The following HPSE2 variants were observed in gnomAD, a reference collection of about 807,000 sequenced individuals.
HPSE2 encodes heparanase 2 (inactive).
A neutral mutation model predicts 60.5 loss-of-function variants in HPSE2; 38 were observed. The ratio of observed to expected loss-of-function variants is 0.63; its 90% CI spans 0.48 to 0.82. The LOEUF is 0.82. HPSE2 is among the 40% of genes least tolerant of loss of function. The probability of loss-of-function intolerance (pLI) is 0.00; values close to 1 mark genes in which losing one functional copy is unlikely to be tolerated. For missense variants in HPSE2, 713 were observed against 740.4 expected, an observed-to-expected ratio of 0.96 and a Z score of 0.43; for synonymous variants, 295 against 293.2, an observed-to-expected ratio of 1.01 and a Z score of -0.06.
intron 3 of HPSE2, among the ~76,000 whole-genome samples, chr10:98,824,851 T>C (rs1770442087): frequency 6.6e-6 from 1 of 152,226 alleles, no homozygotes; most frequent in Non-Finnish European, 1.5e-5. Flanking sequence ...GTATAGCACT[T>C]AGCAGGCTTC....
intron 3 of HPSE2, among the ~76,000 whole-genome samples, chr10:98,897,231 A>G (rs1350290007): frequency 6.6e-6 from 1 of 152,146 alleles, no homozygotes; most frequent in Non-Finnish European, 1.5e-5. Flanking sequence ...TATTGAGTAC[A>G]GTGTACACCG....
At chr10:98,747,689 C>T (rs1029688293) in intron 3 of HPSE2, among the ~76,000 whole-genome samples, 5 of 152,176 alleles carry the variant, frequency 3.3e-5, no homozygotes, top group Non-Finnish European at 5.9e-5. Context: ...AAAGTGATTT[C>T]GACTTTCTCT....
intron 3 of HPSE2, among the ~76,000 whole-genome samples, chr10:98,944,070 C>T (rs1955105496): frequency 6.6e-6 from 1 of 152,082 alleles, no homozygotes; most frequent in African/African-American, 2.4e-5. Context: ...ACCAAAATCC[C>T]AGAGAGGGAG....
At chr10:98,475,253 A>G (rs541819939) in intron 11 of HPSE2, among the ~76,000 whole-genome samples, 10 of 151,736 alleles carry the variant, frequency 6.6e-5, no homozygotes, top group African/African-American at 2.4e-4. Context: ...GAGTAGCTGG[A>G]ACTACAGGCA....
intron 3 of HPSE2, among the ~76,000 whole-genome samples, chr10:98,832,055 G>A (rs2134657158): frequency 6.6e-6 from 1 of 152,304 alleles, no homozygotes; most frequent in Middle Eastern, 3.4e-3. Context: ...GGCAGCCACA[G>A]TCTGGGCTAG....
At chr10:98,715,453 A>T (rs1463190684) in intron 5 of HPSE2, among the ~76,000 whole-genome samples, 2 of 151,890 alleles carry the variant, frequency 1.3e-5, no homozygotes, top group African/African-American at 4.8e-5. Context: ...TCTTGGGTCA[A>T]TTGTTTAATT....
chr10:98,557,746 C>G (rs185782293), intron 9 of HPSE2, among the ~76,000 whole-genome samples: 4 of 152,186 alleles, frequency 2.6e-5, no homozygotes, highest in African/African-American at 9.6e-5. Flanking sequence ...GTCAAGAGAT[C>G]GAGACCAGCC....
At chr10:99,225,445 A>T (rs1181446991) in intron 2 of HPSE2, among the ~76,000 whole-genome samples, 1 of 152,128 alleles carries the variant, frequency 6.6e-6, no homozygotes, top group Middle Eastern at 3.2e-3. Flanking sequence ...TGATTATAAA[A>T]TACTAGCCTA....
intron 9 of HPSE2, among the ~76,000 whole-genome samples, chr10:98,592,592 C>T (rs1216341822): frequency 2.0e-5 from 3 of 152,160 alleles, no homozygotes; most frequent in Non-Finnish European, 4.4e-5. Context: ...AGTCTTTGAG[C>T]TCAGGAAATA....
At chr10:99,233,746 C>T (rs974624783) in intron 1 of HPSE2, among the ~76,000 whole-genome samples, 9 of 152,280 alleles carry the variant, frequency 5.9e-5, no homozygotes, top group Middle Eastern at 3.4e-3. Context: ...CCAGAATGGT[C>T]GTTTGGCAGA....
intron 2 of HPSE2, among the ~76,000 whole-genome samples, chr10:99,205,271 G>T (rs969475199): frequency 6.6e-6 from 1 of 152,108 alleles, no homozygotes; most frequent in Non-Finnish European, 1.5e-5. Context: ...AAATAGACCA[G>T]ATCTGGTCTG....
At chr10:99,171,375 C>T (rs1283289461) in intron 2 of HPSE2, among the ~76,000 whole-genome samples, 1 of 152,034 alleles carries the variant, frequency 6.6e-6, no homozygotes, top group African/African-American at 2.4e-5. Context: ...GAAACTACTA[C>T]AGTCTGGAGA....
chr10:98,634,100 C>G (rs1946434155), intron 7 of HPSE2, among the ~76,000 whole-genome samples: 1 of 152,200 alleles, frequency 6.6e-6, no homozygotes, highest in Non-Finnish European at 1.5e-5. Context: ...TGATTTCCAT[C>G]TATTCAACAC....
intron 3 of HPSE2, among the ~76,000 whole-genome samples, chr10:98,902,563 A>G (rs747663414): frequency 6.6e-6 from 1 of 152,096 alleles, no homozygotes; most frequent in Non-Finnish European, 1.5e-5. Context: ...CCCTCTCAGG[A>G]TATCAGTTTT....
intron 3 of HPSE2, among the ~76,000 whole-genome samples, chr10:99,034,182 T>C (rs1411203718): frequency 6.6e-6 from 1 of 152,128 alleles, no homozygotes; most frequent in African/African-American, 2.4e-5. Context: ...TGCAACAACA[T>C]AGATAAATAA....
intron 3 of HPSE2, among the ~76,000 whole-genome samples, chr10:99,088,813 T>C (rs777862511): frequency 7.2e-5 from 11 of 152,240 alleles, no homozygotes; most frequent in Non-Finnish European, 1.6e-4. Flanking sequence ...TAGTTTACAT[T>C]CCCACCAACA....
At chr10:98,643,128 T>C (rs1946680133) in intron 6 of HPSE2, among the ~76,000 whole-genome samples, 2 of 152,258 alleles carry the variant, frequency 1.3e-5, no homozygotes, top group African/African-American at 4.8e-5. Flanking sequence ...GCTTAAACCA[T>C]TGGAATGTTG....
intron 3 of HPSE2, among the ~76,000 whole-genome samples, chr10:98,872,400 T>A (rs1048864702): frequency 2.0e-5 from 3 of 152,114 alleles, no homozygotes; most frequent in Non-Finnish European, 4.4e-5. Context: ...TCTCAAACTT[T>A]AGAAATTTAG....
chr10:98,647,381 T>A (rs1234142583), intron 6 of HPSE2, among the ~76,000 whole-genome samples: 1 of 152,270 alleles, frequency 6.6e-6, no homozygotes, highest in African/African-American at 2.4e-5. Flanking sequence ...CCCTTTATTA[T>A]CTGACCCCTT....
Sources: gnomAD v4.1 joint callset for allele counts (sites outside exome capture counted in the v4.1 genomes callset) on GRCh38, gnomAD v4.1.1 for gene constraint, MANE v1.5 for transcripts, NCBI Gene and HGNC (gene_info 2026-07-23, HGNC 2026-07-21) for gene names.